Variants in RABGAP1L observed in about 807,000 individuals in gnomAD.
RABGAP1L encodes rab GTPase-activating protein 1-like.
In RABGAP1L, 63 loss-of-function variants were observed where a neutral mutation model predicts 137.7. That is an observed-to-expected ratio of 0.46 (90% confidence interval 0.37 to 0.56). RABGAP1L has a LOEUF of 0.56. Among genes scored for constraint, RABGAP1L ranks in the 20% least tolerant of loss-of-function variants. The pLI is 0.00. For missense variants in RABGAP1L, 1,095 were observed against 1,244.0 expected, an observed-to-expected ratio of 0.88 and a Z score of 1.80; for synonymous variants, 431 against 433.7, an observed-to-expected ratio of 0.99 and a Z score of 0.08.
intron 17 of RABGAP1L, among the ~76,000 whole-genome samples, chr1:174,725,309 G>T (rs965325622): frequency 1.3e-5 from 2 of 152,310 alleles, no homozygotes; most frequent in East Asian, 3.9e-4. Context: ...TATTGGTGGT[G>T]TGTCTCCCAA....
At chr1:174,165,427 G>A (rs1193875560) in intron 1 of RABGAP1L, among the ~76,000 whole-genome samples, 2 of 152,170 alleles carry the variant, frequency 1.3e-5, no homozygotes, top group Non-Finnish European at 2.9e-5. Flanking sequence ...TGGGATTACA[G>A]GCGTGAGCCA....
intron 12 of RABGAP1L, among the ~76,000 whole-genome samples, chr1:174,371,392 A>G (rs1436492540): frequency 1.3e-5 from 2 of 152,018 alleles, no homozygotes; most frequent in East Asian, 1.9e-4. Context: ...TATATTGCCA[A>G]TGCATTTAAA....
At chr1:174,342,282 A>G (rs1189012154) in intron 11 of RABGAP1L, among the ~76,000 whole-genome samples, 1 of 152,124 alleles carries the variant, frequency 6.6e-6, no homozygotes, top group Non-Finnish European at 1.5e-5. Flanking sequence ...CTAATGATAA[A>G]CCAAATGCAA....
intron 19 of RABGAP1L, among the ~76,000 whole-genome samples, chr1:174,951,868 A>T (rs188318690): frequency 2.0e-5 from 3 of 152,352 alleles, no homozygotes; most frequent in Admixed American, 2.0e-4. Context: ...AAACACTGGT[A>T]GTGCCCAGGG....
At chr1:174,653,419 G>T (rs571881495) in intron 14 of RABGAP1L, among the ~76,000 whole-genome samples, 65 of 152,312 alleles carry the variant, frequency 4.3e-4, no homozygotes, top group African/African-American at 1.4e-3. Flanking sequence ...CCTTGGTGGT[G>T]TAGGCATCCG....
At chr1:174,941,120 GAAGCAAT>G (rs956976418) in intron 19 of RABGAP1L, among the ~76,000 whole-genome samples, 3 of 152,210 alleles carry the variant, frequency 2.0e-5, no homozygotes, top group Non-Finnish European at 4.4e-5. Flanking sequence ...AGGAAAGATA[GAAGCAAT>G]AACAAGTTGT....
At chr1:174,776,520 A>C (rs1249784388) in intron 18 of RABGAP1L, among the ~76,000 whole-genome samples, 1 of 152,236 alleles carries the variant, frequency 6.6e-6, no homozygotes, top group African/African-American at 2.4e-5. Flanking sequence ...ACTCTTTTTT[A>C]GGCCAATTTT....
intron 20 of RABGAP1L, among the ~76,000 whole-genome samples, chr1:174,963,598 A>G (rs759222798): frequency 1.5e-4 from 23 of 151,644 alleles, no homozygotes; most frequent in Non-Finnish European, 2.4e-4. Context: ...ATATGTTTCT[A>G]TATCATCTAG....
At chr1:174,172,063 C>T in intron 1 of RABGAP1L, among the ~76,000 whole-genome samples, 1 of 151,228 alleles carries the variant, frequency 6.6e-6, no homozygotes, top group South Asian at 2.1e-4. Flanking sequence ...CATGTAGTGT[C>T]TTTCTTTTTG....
In RABGAP1L at chr1:174,848,771, C is replaced by T. The variant is rs528901108; in HGVS notation, c.2340+36811C>T. On this transcript the variant is annotated intron_variant, in intron 19 of 25. Coordinates refer to ENST00000681986, the MANE Select transcript of RABGAP1L (RefSeq NM_001366446.1). Reference sequence around the variant, plus strand: ...TGGGCTCCACCCAGTTCGAGCTTCCCGGCTGCTTTGTTTACCTAAGCAAGC... The same window carrying T: ...TGGGCTCCACCCAGTTCGAGCTTCCTGGCTGCTTTGTTTACCTAAGCAAGC... 4.4e-3 allele frequency among the ~76,000 whole-genome samples: 657 copies of T among 148,322 alleles called. 12 individuals are homozygous for T. The highest frequency in any genetic ancestry group is 0.016 in the South Asian group (73 of 4,676).
At chr1:174,711,474 C>T (rs920651686) in intron 17 of RABGAP1L, among the ~76,000 whole-genome samples, 8 of 152,184 alleles carry the variant, frequency 5.3e-5, no homozygotes, top group South Asian at 2.1e-4. Context: ...GCGGGCTTGG[C>T]GGACCCCGCA....
chr1:174,907,876 T>C (rs1005975694), intron 19 of RABGAP1L, among the ~76,000 whole-genome samples: 12 of 152,286 alleles, frequency 7.9e-5, no homozygotes, highest in Middle Eastern at 3.4e-3. Context: ...ATACAGTGGC[T>C]GAATGGGTAA....
chr1:174,336,566 C>A (rs1681483461), intron 11 of RABGAP1L, among the ~76,000 whole-genome samples: 1 of 152,186 alleles, frequency 6.6e-6, no homozygotes, highest in Non-Finnish European at 1.5e-5. Context: ...TGTGCACATG[C>A]ATTACCTGGA....
chr1:174,841,452 G>A (rs1894201), intron 19 of RABGAP1L, among the ~76,000 whole-genome samples: 98,120 of 151,800 alleles, frequency 0.65, 34,198 homozygotes, highest in East Asian at 0.93. Flanking sequence ...GTGAGATGGA[G>A]CTAAAATAGA....
Position 174,761,980 on chromosome 1 carries a change from A to G in RABGAP1L, c.2211+9626A>G, listed in dbSNP as rs1035040939. ...GAGTTATGGGTAGGTTGCAATGTTA[A>G]ATAGGGTAGTCAGGATAGGCCCCAA... is the stretch of plus-strand genomic sequence containing the variant. On this transcript the variant is annotated intron_variant, in intron 18 of 25. Coordinates refer to ENST00000681986, the MANE Select transcript of RABGAP1L (RefSeq NM_001366446.1). The surrounding 1 kb of genome is among the most constrained non-coding windows in gnomAD (Gnocchi z 4.0). Among the ~76,000 whole-genome samples the G allele has an allele frequency of 6.6e-6, 1 of 152,078 alleles. No individual in the cohort carries two copies. The highest frequency in any genetic ancestry group is 1.5e-5 in the Non-Finnish European group (1 of 68,008).
At chr1:174,214,663 G>A (rs1432792065) in intron 1 of RABGAP1L, among the ~76,000 whole-genome samples, 1 of 152,058 alleles carries the variant, frequency 6.6e-6, no homozygotes, top group Non-Finnish European at 1.5e-5. Context: ...AACATAATAG[G>A]GAACCCAGAG....
chr1:174,792,086 C>T (rs755111452), intron 18 of RABGAP1L, among the ~76,000 whole-genome samples: 3 of 152,164 alleles, frequency 2.0e-5, no homozygotes, highest in Non-Finnish European at 2.9e-5. Context: ...GGTTCCCTGC[C>T]GTGCATCTGT....
intron 19 of RABGAP1L, among the ~76,000 whole-genome samples, chr1:174,816,196 A>G (rs1690384796): frequency 8.8e-6 from 1 of 113,242 alleles, no homozygotes; most frequent in Non-Finnish European, 1.7e-5. Context: ...CTTGTTGCCC[A>G]GGCTGGAGTG....
At chr1:174,651,118 T>G (rs201606903) in intron 14 of RABGAP1L, among the ~76,000 whole-genome samples, 11,817 of 151,984 alleles carry the variant, frequency 0.078, 637 homozygotes, top group East Asian at 0.32. Flanking sequence ...GGAGCAGGTT[T>G]TTCAGTTTCC....
Sources: gnomAD v4.1 joint callset for allele counts (sites outside exome capture counted in the v4.1 genomes callset) on GRCh38, gnomAD v4.1.1 for gene constraint, Gnocchi (gnomAD v3.1) non-coding constraint, MANE v1.5 for transcripts, NCBI Gene and HGNC (gene_info 2026-07-23, HGNC 2026-07-21) for gene names.